Variants in CARMIL2 observed in about 807,000 individuals in gnomAD.
CARMIL2 encodes the protein capping protein regulator and myosin 1 linker 2, also known as capping protein, Arp2/3 and myosin-I linker protein 2.
Under a neutral mutation model 173.3 loss-of-function variants are expected in CARMIL2, and 96 were observed. The observed-to-expected ratio is 0.55, with a 90% confidence interval of 0.47 to 0.66. The LOEUF is 0.66. Among genes scored for constraint, CARMIL2 ranks in the 30% least tolerant of loss-of-function variants. The pLI is 0.00. For missense variants in CARMIL2, 1,771 were observed against 1,906.7 expected (o/e 0.93, Z 1.33); for synonymous variants, 830 against 817.1 (o/e 1.02, Z -0.27).
rs370216460 is a variant in CARMIL2 at position 67,656,521 on chromosome 16, T to C, written c.3912T>C (p.Gly1304=). The part of the protein sequence containing the change: ...QQLNAELRSR[G]WGQQDGPGPP... ...TGAATGCGGAGCTCAGGAGCCGTGGTTGGGGCCAACAGGATGGTCCAGGCC... is the reference window on the plus strand; with the variant it reads ...TGAATGCGGAGCTCAGGAGCCGTGGCTGGGGCCAACAGGATGGTCCAGGCC... Residue 1304 remains glycine (G), a synonymous_variant, in exon 35 of 38, where the codon GGT becomes GGC. Transcript: ENST00000334583. 132 of 1,613,416 alleles carry C rather than the reference T, an allele frequency of 8.2e-5. No individual in the cohort carries two copies. The highest frequency in any genetic ancestry group is 3.5e-4 in the African/African-American group (26 of 74,906).
Position 67,651,127 on chromosome 16 carries a change from A to G in CARMIL2, c.2185-60A>G. 1 of 1,570,486 alleles carries G rather than the reference A, an allele frequency of 6.4e-7. No individual in the cohort carries two copies. On this transcript the variant is annotated intron_variant, in intron 22 of 37. Coordinates refer to ENST00000334583, the MANE Select transcript of CARMIL2 (RefSeq NM_001013838.3). The surrounding 1 kb of genome is among the most constrained non-coding windows in gnomAD (Gnocchi z 4.2). Reference sequence around the variant, plus strand: ...CTGTTAAAGAGCCTGGGAGGAAGGCAGGCAGGATCTGGGAGACTGGGAGGG... The same window carrying G: ...CTGTTAAAGAGCCTGGGAGGAAGGCGGGCAGGATCTGGGAGACTGGGAGGG...
In CARMIL2 at chr16:67,654,538, G is replaced by A. The variant is rs1221680158; in HGVS notation, c.3428G>A (p.Ser1143Asn). The A allele has an allele frequency of 6.2e-7, 1 of 1,612,074 alleles. No individual in the cohort carries two copies. The highest frequency in any genetic ancestry group is 1.7e-5 in the Admixed American group (1 of 59,860). ...CTACTGCGGCCGCCAACCCGTCCCAGCCGTGGTGAGGAGCTTGGTGGGGCT... is the reference window on the plus strand; with the variant it reads ...CTACTGCGGCCGCCAACCCGTCCCAACCGTGGTGAGGAGCTTGGTGGGGCT... ...GDLLRPPTRPSRGEELGGAEG... is the reference protein window; with the variant it reads ...GDLLRPPTRPNRGEELGGAEG... The change falls in exon 31 of 38, where the codon AGC (serine) becomes AAC (asparagine). Residue 1143 changes from serine to asparagine, a missense_variant. Transcript: ENST00000334583.
In CARMIL2 at chr16:67,648,396, A is replaced by G. The variant is rs1234367830; in HGVS notation, c.1335-2A>G. ...CCAGGCCCACCTTCCCACTTCCCCC[A>G]GGAAGTCCCGCGCCGCGCCGGCCGC... On this transcript the variant is annotated splice_acceptor_variant, in intron 14 of 37. Coordinates refer to ENST00000334583, the MANE Select transcript of CARMIL2 (RefSeq NM_001013838.3). LOFTEE classifies it high-confidence loss of function. This position sits in a 1 kb window ranked among gnomAD's most constrained non-coding sequence, Gnocchi z 6.1. 2 of 1,533,012 alleles carry G rather than the reference A, an allele frequency of 1.3e-6. No homozygotes were observed. Among genetic ancestry groups the G allele is most frequent in the East Asian group, 2.4e-5 (1 of 41,274 alleles). 95.0% of individuals were successfully genotyped at this position (1,533,012 alleles called of 1,614,324 possible).
At position 67,648,599 on chromosome 16, in the gene CARMIL2, C is replaced by A; in HGVS notation, c.1440-86C>A. On this transcript the variant is annotated intron_variant, in intron 15 of 37. Coordinates refer to ENST00000334583, the MANE Select transcript of CARMIL2 (RefSeq NM_001013838.3). The surrounding 1 kb of genome is among the most constrained non-coding windows in gnomAD (Gnocchi z 6.1). ...CTGCTTCTGTCGCTCCCACAACCTC[C>A]CCCAGATCCTGGCCCTGCCTCCTTC... 2 of 1,494,702 alleles carry A rather than the reference C, an allele frequency of 1.3e-6. No homozygotes were observed. Among genetic ancestry groups the A allele is most frequent in the Admixed American group, 3.9e-5 (2 of 50,934 alleles). The allele number at this position is 1,494,702 out of a possible 1,614,324, so 92.6% of individuals were successfully genotyped here.
rs1176651903 is a variant in CARMIL2, at chr16:67,651,996, C to T, written c.2664C>T (p.Ala888=). 1 of 1,613,530 alleles carries T rather than the reference C, an allele frequency of 6.2e-7. No homozygotes were observed. Among genetic ancestry groups the T allele is most frequent in the Non-Finnish European group, 8.5e-7 (1 of 1,179,864 alleles). Residue 888 remains alanine (A), a synonymous_variant, in exon 26 of 38, where the codon GCC becomes GCT. Transcript: ENST00000334583. This position sits in a 1 kb window ranked among gnomAD's most constrained non-coding sequence, Gnocchi z 4.2. Reference sequence around the variant, plus strand: ...AGGCTTTGGCAGGCCTGAGTGCAGCCCGGGATCAGCTGGTGAGGGGGAGAT... The same window carrying T: ...AGGCTTTGGCAGGCCTGAGTGCAGCTCGGGATCAGCTGGTGAGGGGGAGAT... ...VAQALAGLSA[A]RDQLVESLAQ...
chr16:67,652,664 C>CCGACCTGGCCCAGTCA lies in CARMIL2; in HGVS notation c.2884+126_2884+127insCGACCTGGCCCAGTCA. On this transcript the variant is annotated intron_variant, in intron 28 of 37. Coordinates refer to ENST00000334583, the MANE Select transcript of CARMIL2 (RefSeq NM_001013838.3). This position sits in a 1 kb window ranked among gnomAD's most constrained non-coding sequence, Gnocchi z 4.7. ...GGTACCCACCAGCCCTTGACTGGGCCAGGTCGGGCCCCTTGTGCAACCTGC... is the reference window on the plus strand; with the variant it reads ...GGTACCCACCAGCCCTTGACTGGGCCCGACCTGGCCCAGTCAAGGTCGGGCCCCTTGTGCAACCTGC... 1.1e-6 allele frequency: 1 copy of CCGACCTGGCCCAGTCA among 924,808 alleles called. No individual in the cohort carries two copies. Among genetic ancestry groups the CCGACCTGGCCCAGTCA allele is most frequent in the Non-Finnish European group, 1.7e-6 (1 of 605,612 alleles). 57.3% of individuals were successfully genotyped at this position (924,808 alleles called of 1,614,324 possible).
Position 67,645,281 on chromosome 16 carries a change from TC to T in CARMIL2, c.37del (p.Arg13GlufsTer17). Reference protein sequence around the residue: ...AQTPDGISCELRGEITRFLWP... With the variant: ...AQTPDGISCEXRGEITRFLWP... ...ACCCCCGACGGCATCTCCTGTGAGCTCCGAGGTAAGCGCTGGCCCTTCCTGC... is the reference window on the plus strand; with the variant it reads ...ACCCCCGACGGCATCTCCTGTGAGCTCGAGGTAAGCGCTGGCCCTTCCTGC... On this transcript the variant is annotated frameshift_variant, in exon 1 of 38. Transcript: ENST00000334583. LOFTEE classifies it high-confidence loss of function. 1 of 1,604,288 alleles carries T rather than the reference TC, an allele frequency of 6.2e-7. No homozygotes were observed. Among genetic ancestry groups the T allele is most frequent in the Non-Finnish European group, 8.5e-7 (1 of 1,176,112 alleles).
At chr16:67,656,331 G>C in intron 34 of CARMIL2, 32 bp downstream of exon 34, 12 of 1,613,238 alleles carry the variant, frequency 7.4e-6, no homozygotes, top group Non-Finnish European at 1.0e-5. Flanking sequence ...TGTTGGTAGT[G>C]GGAGCAGGGA....
At position 67,646,557 on chromosome 16, in the gene CARMIL2, C is replaced by T. The variant is rs748045692; in HGVS notation, c.466+40C>T. On this transcript the variant is annotated intron_variant, in intron 6 of 37. Transcript: ENST00000334583. This position sits in a 1 kb window ranked among gnomAD's most constrained non-coding sequence, Gnocchi z 4.6. ...AGAGCCACAGGCCTTCCAGCCTGCC[C>T]CACCTCTGCCTCCCCAGACCCGCAA... The T allele has an allele frequency of 1.3e-5, 20 of 1,598,578 alleles. No homozygotes were observed. The East Asian group carries it at 2.2e-4, about 18-fold the overall frequency.
rs948490082 is a variant in CARMIL2 at position 67,646,921 on chromosome 16, C to T, written c.559C>T (p.Arg187Cys). 11 of 1,613,500 alleles carry T rather than the reference C, an allele frequency of 6.8e-6. No individual in the cohort carries two copies. Among genetic ancestry groups the T allele is most frequent in the South Asian group, 2.2e-5 (2 of 91,090 alleles). ...CCAGGACGTGGACACCATTTACCAT[C>T]GCCAGGGCTGCCGCCATTTCAGCCT... ...IQWDVDTIYH[R>C]QGCRHFSLGD... Residue 187 changes from arginine to cysteine, a missense_variant, in exon 8 of 38, where the codon CGC becomes TGC. Physicochemically the swap from Arg to Cys is radical, Grantham distance 180. Transcript: ENST00000334583. This position sits in a 1 kb window ranked among gnomAD's most constrained non-coding sequence, Gnocchi z 4.6.
Position 67,648,704 on chromosome 16 carries a change from G to A in CARMIL2, c.1459G>A (p.Ala487Thr), listed in dbSNP as rs1218468581. 1 of 1,606,834 alleles carries A rather than the reference G, an allele frequency of 6.2e-7. No homozygotes were observed. ...TCCCAGAGCCCTTTTGGATGGCCTC[G>A]CGCTCAACACGCACCTCCGCGACCT... Reference protein sequence around the residue: ...DALRALLDGLALNTHLRDLHL... With the variant: ...DALRALLDGLTLNTHLRDLHL... Residue 487 changes from alanine (A) to threonine (T), a missense_variant, in exon 16 of 38, where the codon GCG (alanine) becomes ACG (threonine). Physicochemically the swap from Ala to Thr is moderately conservative, Grantham distance 58. Transcript: ENST00000334583. The surrounding 1 kb of genome is among the most constrained non-coding windows in gnomAD (Gnocchi z 6.1).
chr16:67,646,585 TGG>T lies in CARMIL2; in HGVS notation c.466+74_466+75del. The T allele has an allele frequency of 6.3e-7, 1 of 1,585,628 alleles. No individual in the cohort carries two copies. Among genetic ancestry groups the T allele is most frequent in the Non-Finnish European group, 8.6e-7 (1 of 1,158,240 alleles). On this transcript the variant is annotated intron_variant, in intron 6 of 37. Transcript: ENST00000334583. The surrounding 1 kb of genome is among the most constrained non-coding windows in gnomAD (Gnocchi z 4.6). The stretch of plus-strand genomic sequence containing the variant: ...CCTCTGCCTCCCCAGACCCGCAAGC[TGG>T]GGGGGCCCCAAACTGAACAGAGCCA...
rs1265735606 is a variant in CARMIL2 at position 67,649,809 on chromosome 16, T to G, written c.1923T>G (p.Ser641=). 8 of 1,610,988 alleles carry G rather than the reference T, an allele frequency of 5.0e-6. 1 individual carries two copies. The South Asian group carries it at 8.8e-5, about 18-fold the overall frequency. Residue 641 remains serine, a synonymous_variant, in exon 21 of 38, where the codon TCT becomes TCG. Coordinates refer to ENST00000334583, the MANE Select transcript of CARMIL2 (RefSeq NM_001013838.3). The surrounding 1 kb of genome is among the most constrained non-coding windows in gnomAD (Gnocchi z 6.7). ...ACTGAAGCCAGGCCCGGCCCAGGTC[T>G]GTGGTCTGGGACCGGAACCACACAT... is the stretch of plus-strand genomic sequence containing the variant. The part of the protein sequence containing the change: ...KALRVNSRLR[S]VVWDRNHTSA...
At position 67,649,322 on chromosome 16, in the gene CARMIL2, G is replaced by A. The variant is rs758955746; in HGVS notation, c.1746+11G>A. The A allele has an allele frequency of 1.2e-6, 2 of 1,611,170 alleles. No homozygotes were observed. Among genetic ancestry groups the A allele is most frequent in the East Asian group, 2.2e-5 (1 of 44,866 alleles). On this transcript the variant is annotated intron_variant, in intron 19 of 37. Coordinates refer to ENST00000334583, the MANE Select transcript of CARMIL2 (RefSeq NM_001013838.3). The surrounding 1 kb of genome is among the most constrained non-coding windows in gnomAD (Gnocchi z 6.7). ...CAGGACGACGATTGTGTGAGTTCAC[G>A]GGACCTTGCAGGGCCTCGGGCAATT...
At position 67,651,768 on chromosome 16, in the gene CARMIL2, G is replaced by A. The variant is rs1404468682; in HGVS notation, c.2511G>A (p.Glu837=). The change falls in exon 25 of 38, where the codon GAG becomes GAA. Residue 837 remains glutamate, a synonymous_variant. Transcript: ENST00000334583. This position sits in a 1 kb window ranked among gnomAD's most constrained non-coding sequence, Gnocchi z 4.2. ...GATCCAGCTGGAGGGAGCAGCTAGA[G>A]GGGGTCCTGGCAGGCTCGAGGGGCC... The part of the protein sequence containing the change: ...LQGSSWREQL[E]GVLAGSRGLP... 5 of 1,606,694 alleles carry A rather than the reference G, an allele frequency of 3.1e-6. No individual in the cohort carries two copies. In the Admixed American group the frequency reaches 8.5e-5, roughly 27 times the overall value.
In CARMIL2 at chr16:67,654,771, T is replaced by A. The variant is rs1364289930; in HGVS notation, c.3583-7T>A. The A allele has an allele frequency of 4.3e-6, 7 of 1,613,248 alleles. No individual in the cohort carries two copies. The highest frequency in any genetic ancestry group is 5.9e-6 in the Non-Finnish European group (7 of 1,179,842). ...ACTGTCTCCAACTCGAGCATCTCTG[T>A]CCCTAGCGGCGGCCCCTGGAGCGGG... On this transcript the variant is annotated splice_region_variant and splice_polypyrimidine_tract_variant and intron_variant, in intron 31 of 37. Coordinates refer to ENST00000334583, the MANE Select transcript of CARMIL2 (RefSeq NM_001013838.3).
chr16:67,652,647 C>A lies in CARMIL2; in HGVS notation c.2884+109C>A. 9.0e-7 allele frequency: 1 copy of A among 1,113,052 alleles called. No homozygotes were observed. The highest frequency in any genetic ancestry group is 2.0e-5 in the Admixed American group (1 of 49,000). 68.9% of individuals were successfully genotyped at this position (1,113,052 alleles called of 1,614,324 possible). ...TCATTCAGCCTTGTCTGGGTACCCACCAGCCCTTGACTGGGCCAGGTCGGG... is the reference window on the plus strand; with the variant it reads ...TCATTCAGCCTTGTCTGGGTACCCAACAGCCCTTGACTGGGCCAGGTCGGG... On this transcript the variant is annotated intron_variant, in intron 28 of 37. Coordinates refer to ENST00000334583, the MANE Select transcript of CARMIL2 (RefSeq NM_001013838.3). This position sits in a 1 kb window ranked among gnomAD's most constrained non-coding sequence, Gnocchi z 4.7.
rs779062044 is a variant in CARMIL2, at chr16:67,652,335, A to T, written c.2813A>T (p.Glu938Val). The T allele has an allele frequency of 6.2e-7, 1 of 1,613,226 alleles. No individual in the cohort carries two copies. The highest frequency in any genetic ancestry group is 2.2e-5 in the East Asian group (1 of 44,876). Residue 938 changes from glutamate (E) to valine (V), a missense_variant, in exon 27 of 38, where the codon GAG (glutamate) becomes GTG (valine). Transcript: ENST00000334583. This position sits in a 1 kb window ranked among gnomAD's most constrained non-coding sequence, Gnocchi z 4.7. Reference protein sequence around the residue: ...FFPEEKEEEKEKDDSPPQKWP... With the variant: ...FFPEEKEEEKVKDDSPPQKWP... ...CCCGAGGAGAAGGAAGAGGAGAAGG[A>T]GAAGGTAAGTGGTTTTAGAACACGG... is the stretch of plus-strand genomic sequence containing the variant.
Position 67,652,972 on chromosome 16 carries a change from C to T in CARMIL2, c.2885-47C>T. 4.7e-6 allele frequency: 5 copies of T among 1,074,762 alleles called. No homozygotes were observed. The highest frequency in any genetic ancestry group is 6.1e-6 in the Non-Finnish European group (5 of 826,254). 66.6% of individuals were successfully genotyped at this position (1,074,762 alleles called of 1,614,324 possible). A position where few individuals can be genotyped will look rare whatever the true frequency, so the allele number is the denominator to read the frequency against. On this transcript the variant is annotated intron_variant, in intron 28 of 37. Coordinates refer to ENST00000334583, the MANE Select transcript of CARMIL2 (RefSeq NM_001013838.3). The surrounding 1 kb of genome is among the most constrained non-coding windows in gnomAD (Gnocchi z 4.7). ...CGCCGCCCTAGCGCCTCCGCCGCCA[C>T]CTCCCCGGGCTCGGCGCTCGGTGCT... is the stretch of plus-strand genomic sequence containing the variant.
Sources: allele counts gnomAD v4.1 joint callset, GRCh38; gene constraint gnomAD v4.1.1; non-coding constraint Gnocchi (gnomAD v3.1); transcripts MANE v1.5; gene names NCBI Gene and HGNC (gene_info 2026-07-23, HGNC 2026-07-21).